PCSK2: variants seen among roughly 807,000 people sequenced by gnomAD.
PCSK2 encodes neuroendocrine convertase 2.
Under a neutral mutation model 69.7 loss-of-function variants are expected in PCSK2, and 14 were observed. That is an observed-to-expected ratio of 0.20 (90% CI 0.13 to 0.31). PCSK2 has a LOEUF of 0.31. Ranked by LOEUF, PCSK2 falls within the 10% of genes least tolerant of loss-of-function variation. The pLI is 1.00. For synonymous variants in PCSK2, 307 were observed against 320.7 expected (o/e 0.96, Z 0.46); for missense variants, 544 against 842.5 (o/e 0.65, Z 4.39).
intron 6 of PCSK2, among the ~76,000 whole-genome samples, chr20:17,411,100 A>T (rs2031861217): frequency 6.6e-6 from 1 of 152,198 alleles, no homozygotes; most frequent in South Asian, 2.1e-4. Context: ...TCCTTAAAAA[A>T]ACTAAAAGGT....
intron 6 of PCSK2, among the ~76,000 whole-genome samples, chr20:17,410,213 GA>G (rs2031838991): frequency 6.6e-6 from 1 of 152,166 alleles, no homozygotes; most frequent in Non-Finnish European, 1.5e-5. Flanking sequence ...AACAGGCTCA[GA>G]AGGGTTGAAG....
intron 2 of PCSK2, among the ~76,000 whole-genome samples, chr20:17,276,971 G>A (rs1988105598): frequency 6.6e-6 from 1 of 152,102 alleles, no homozygotes; most frequent in Non-Finnish European, 1.5e-5. Flanking sequence ...ATTCACAATT[G>A]CTTCAAACAG....
intron 5 of PCSK2, among the ~76,000 whole-genome samples, chr20:17,384,658 A>G (rs1173308842): frequency 6.6e-6 from 1 of 151,450 alleles, no homozygotes; most frequent in African/African-American, 2.4e-5. Context: ...CATAGGCTGA[A>G]CACAGCGGCC....
At chr20:17,317,137 G>A (rs1989713980) in intron 2 of PCSK2, among the ~76,000 whole-genome samples, 2 of 152,088 alleles carry the variant, frequency 1.3e-5, no homozygotes, top group Admixed American at 1.3e-4. Flanking sequence ...CTAGCTCTTA[G>A]TTAGGTAAAT....
chr20:17,435,877 C>A (rs1287765771), intron 7 of PCSK2, among the ~76,000 whole-genome samples: 1 of 152,186 alleles, frequency 6.6e-6, no homozygotes, highest in Non-Finnish European at 1.5e-5. Context: ...CCTGGAGAGG[C>A]CTTTGTGGAT....
intron 2 of PCSK2, among the ~76,000 whole-genome samples, chr20:17,278,857 T>C (rs1254674356): frequency 2.0e-5 from 3 of 152,058 alleles, no homozygotes. Flanking sequence ...TGCCTTTTTT[T>C]TTTTAACTTG....
intron 2 of PCSK2, among the ~76,000 whole-genome samples, chr20:17,291,607 G>T (rs762082138): frequency 2.6e-5 from 4 of 152,158 alleles, no homozygotes; most frequent in Non-Finnish European, 5.9e-5. Flanking sequence ...AATTTTGATG[G>T]ATGCTACCAA....
chr20:17,385,818 T>C (rs577431725), intron 5 of PCSK2, among the ~76,000 whole-genome samples: 1 of 152,284 alleles, frequency 6.6e-6, no homozygotes, highest in South Asian at 2.1e-4. Context: ...TCAGTTCTGC[T>C]AAGCACCCCT....
intron 8 of PCSK2, among the ~76,000 whole-genome samples, chr20:17,445,437 C>A (rs2081765): frequency 1.3e-5 from 2 of 152,214 alleles, no homozygotes; most frequent in Admixed American, 6.5e-5. Context: ...TACAAAAATT[C>A]TCTAAGGTAC....
intron 5 of PCSK2, among the ~76,000 whole-genome samples, chr20:17,371,058 C>T (rs1394479776): frequency 6.6e-6 from 1 of 152,220 alleles, no homozygotes; most frequent in East Asian, 1.9e-4. Context: ...ACGTGGAGTT[C>T]TGCTCACTTT....
chr20:17,237,963 A>T (rs1176166012), intron 1 of PCSK2, among the ~76,000 whole-genome samples: 1 of 152,198 alleles, frequency 6.6e-6, no homozygotes. Context: ...CTCCAGGCTG[A>T]TGTTAACACT....
intron 2 of PCSK2, among the ~76,000 whole-genome samples, chr20:17,304,226 T>C (rs61338964): frequency 0.1 from 15,632 of 152,194 alleles, 1,030 homozygotes; most frequent in South Asian, 0.28. Flanking sequence ...TATTTTATTA[T>C]GACCTATTGT....
intron 2 of PCSK2, among the ~76,000 whole-genome samples, chr20:17,348,047 A>G (rs8121200): frequency 0.051 from 3,115 of 60,558 alleles, 175 homozygotes; most frequent in African/African-American, 0.073. Context: ...AGAAAGAAAG[A>G]AAGGAAAGAA....
chr20:17,471,663 C>T (rs2033204088), intron 11 of PCSK2, among the ~76,000 whole-genome samples: 1 of 152,240 alleles, frequency 6.6e-6, no homozygotes, highest in Non-Finnish European at 1.5e-5. Flanking sequence ...TCTCAGTGCC[C>T]TCCGGTCCCT....
chr20:17,355,672 CACAG>C (rs1249057919), intron 2 of PCSK2, among the ~76,000 whole-genome samples: 1 of 151,634 alleles, frequency 6.6e-6, no homozygotes, highest in Non-Finnish European at 1.5e-5. Flanking sequence ...CACACACACA[CACAG>C]AGAGAGAGCT....
chr20:17,243,056 A>T (rs1253699764), intron 1 of PCSK2, among the ~76,000 whole-genome samples: 2 of 152,198 alleles, frequency 1.3e-5, no homozygotes. Context: ...GGTTTACTCA[A>T]AATGTCCAGC....
At chr20:17,478,249 T>C (rs1568666967) in intron 11 of PCSK2, among the ~76,000 whole-genome samples, 1 of 152,190 alleles carries the variant, frequency 6.6e-6, no homozygotes, top group African/African-American at 2.4e-5. Context: ...TCCCCAAATA[T>C]TAATACTTGT....
chr20:17,303,454 A>AT (rs1423920644), intron 2 of PCSK2, among the ~76,000 whole-genome samples: 7,258 of 58,934 alleles, frequency 0.12, 903 homozygotes, highest in Non-Finnish European at 0.2. Context: ...TATATATTAT[A>AT]TTAAATATAA....
chr20:17,290,515 G>T (rs1417882091), intron 2 of PCSK2, among the ~76,000 whole-genome samples: 1 of 152,112 alleles, frequency 6.6e-6, no homozygotes, highest in Non-Finnish European at 1.5e-5. Flanking sequence ...CTAGGAGGTG[G>T]ATGTTATCAT....
Sources: allele counts gnomAD v4.1 joint callset (sites outside exome capture counted in the v4.1 genomes callset), GRCh38; gene constraint gnomAD v4.1.1; transcripts MANE v1.5; gene names NCBI Gene and HGNC (gene_info 2026-07-23, HGNC 2026-07-21).